The following MTO1 variants were observed in gnomAD, a reference collection of about 807,000 sequenced individuals.
MTO1 encodes the protein mitochondrial tRNA translation optimization 1.
MTO1 carries 46 observed loss-of-function variants against 71.6 expected under a neutral mutation model. That is an observed-to-expected ratio of 0.64 (90% confidence interval 0.51 to 0.82). The LOEUF is 0.82. Among genes scored for constraint, MTO1 ranks in the 40% least tolerant of loss-of-function variants. MTO1 has a pLI of 0.00. For missense variants in MTO1, 773 were observed against 867.5 expected (o/e 0.89, Z 1.37); for synonymous variants, 297 against 312.1 (o/e 0.95, Z 0.51).
Position 73,509,148 on chromosome 6 carries a change from G to GTAT in MTO1, c.*8416_*8418dup, listed in dbSNP as rs1772361149. ...AAGTTTTATTTATGTTTTTCATTTG[G>GTAT]TATTAGCCATCTGGTATTTAACCTC... On this transcript the variant is annotated 3_prime_UTR_variant, in exon 12 of 12. Coordinates refer to ENST00000498286, the MANE Select transcript of MTO1 (RefSeq NM_012123.4). 6.6e-6 allele frequency: 1 copy of GTAT among 152,106 alleles called. No individual in the cohort carries two copies. The highest frequency in any genetic ancestry group is 2.4e-5 in the African/African-American group (1 of 41,412). 9.4% of individuals were successfully genotyped at this position (152,106 alleles called of 1,614,324 possible). A position where few individuals can be genotyped will look rare whatever the true frequency, so the allele number is the denominator to read the frequency against.
chr6:73,482,386 T>G (rs1771528481), intron 8 of MTO1, 63 bp from the exon 9 acceptor site: 4 of 1,555,694 alleles, frequency 2.6e-6, no homozygotes, highest in Non-Finnish European at 3.5e-6. Flanking sequence ...AGACACTGTC[T>G]CTACAAAAAA....
At chr6:73,470,065 G>A (rs12529857) in intron 3 of MTO1, among the ~76,000 whole-genome samples, 29,164 of 152,050 alleles carry the variant, frequency 0.19, 2,881 homozygotes, top group Middle Eastern at 0.23. Flanking sequence ...ATCAATGTCT[G>A]TTAGTTCTCA....
rs149810018 is a variant in MTO1 at position 73,468,143 on chromosome 6, A to G, written c.535+1537A>G. The stretch of plus-strand genomic sequence containing the variant: ...CATCTATTAACATTTTTTGAGACAG[A>G]GTCTGGCTCTGTTGCCTAGGCTGGA... On this transcript the variant is annotated intron_variant, in intron 3 of 11. Coordinates refer to ENST00000498286, the MANE Select transcript of MTO1 (RefSeq NM_012123.4). 6.4e-3 allele frequency among the ~76,000 whole-genome samples: 973 copies of G among 151,314 alleles called. 7 individuals are homozygous for G. Among genetic ancestry groups the G allele is most frequent in the African/African-American group, 0.021 (880 of 41,178 alleles).
chr6:73,482,285 G>A, intron 8 of MTO1, 41 bp downstream of exon 8: 1 of 1,604,598 alleles, frequency 6.2e-7, no homozygotes, highest in Non-Finnish European at 8.5e-7. Context: ...CAGGCATGGT[G>A]GCTCACACCT....
In MTO1 at chr6:73,480,090, A is replaced by G. The variant is rs1276936053; in HGVS notation, c.1093A>G (p.Ile365Val). ...GTTACAAGAGAAAATGATCACATGC[A>G]TCAGAGGCTTGGAGAAAGCTAAAGT... ...AELQEKMITC[I>V]RGLEKAKVIQ... The change falls in exon 6 of 12, where the codon ATC becomes GTC. Residue 365 changes from isoleucine to valine, a missense_variant. Ile to Val is a conservative substitution (Grantham distance 29, BLOSUM62 3). Transcript: ENST00000498286. The G allele has an allele frequency of 5.6e-6, 9 of 1,614,156 alleles. No homozygotes were observed. Among genetic ancestry groups the G allele is most frequent in the Middle Eastern group, 1.6e-4 (1 of 6,062 alleles).
At chr6:73,464,724 A>C (rs538342945) in intron 1 of MTO1, among the ~76,000 whole-genome samples, 1 of 151,062 alleles carries the variant, frequency 6.6e-6, no homozygotes, top group East Asian at 2.0e-4. Flanking sequence ...AATCCCAGCT[A>C]CTTGGGAGGC....
Position 73,482,122 on chromosome 6 carries a change from G to A in MTO1, c.1343G>A (p.Gly448Glu). 6.2e-7 allele frequency: 1 copy of A among 1,614,144 alleles called. No homozygotes were observed. The highest frequency in any genetic ancestry group is 1.3e-5 in the African/African-American group (1 of 75,024). The stretch of plus-strand genomic sequence containing the variant: ...GTTAGCCGAACAGAAGGTTACATAG[G>A]AGTCTTGATTGATGACCTCACTACT... ...FVVSRTEGYI[G>E]VLIDDLTTLG... Residue 448 changes from glycine to glutamate, a missense_variant, in exon 8 of 12, where the codon GGA (glycine) becomes GAA (glutamate). Physicochemically the swap from Gly to Glu is moderately conservative, Grantham distance 98. Transcript: ENST00000498286.
intron 3 of MTO1, among the ~76,000 whole-genome samples, chr6:73,472,264 A>G (rs1482429812): frequency 1.3e-5 from 2 of 152,074 alleles, no homozygotes; most frequent in African/African-American, 4.8e-5. Context: ...GAAATTTCTC[A>G]TCTTCTGACT....
chr6:73,492,646 C>CAA, intron 10 of MTO1: 1 of 234,424 alleles, frequency 4.3e-6, no homozygotes, highest in Non-Finnish European at 8.6e-6. Context: ...CCTGTCTCTA[C>CAA]AAAAAAAATA....
chr6:73,487,031 G>A (rs1006323811), intron 9 of MTO1, among the ~76,000 whole-genome samples: 1 of 152,002 alleles, frequency 6.6e-6, no homozygotes, highest in African/African-American at 2.4e-5. Flanking sequence ...CCTTTTTAAG[G>A]TTGAATGATA....
chr6:73,472,806 ACAC>A (rs1771190126), intron 3 of MTO1, among the ~76,000 whole-genome samples: 1 of 152,186 alleles, frequency 6.6e-6, no homozygotes, highest in South Asian at 2.1e-4. Context: ...TTGTATCAAA[ACAC>A]CATGTTGCAT....
intron 9 of MTO1, among the ~76,000 whole-genome samples, chr6:73,483,980 T>C (rs1771586901): frequency 6.6e-6 from 1 of 151,982 alleles, no homozygotes; most frequent in African/African-American, 2.4e-5. Context: ...GGTTTCACCA[T>C]GTTGGCCAGG....
intron 11 of MTO1, among the ~76,000 whole-genome samples, chr6:73,500,307 T>C (rs368051475): frequency 1.3e-5 from 2 of 152,204 alleles, no homozygotes; most frequent in Admixed American, 1.3e-4. Flanking sequence ...GACAAAAAAG[T>C]AGATACTCTA....
rs142253409 is a variant in MTO1, at chr6:73,497,896, G to A, written c.1917G>A (p.Thr639=). Residue 639 remains threonine, a splice_region_variant and synonymous_variant, in exon 11 of 12, where the codon ACG becomes ACA. Transcript: ENST00000498286. The part of the protein sequence containing the change: ...REKLHFSRPQ[T]IGAASRIPGV... ...AACTACATTTTAGTCGTCCACAGAC[G>A]GTAAGAAAATAGGCAGGAGAATAGA... 3.0e-5 allele frequency: 48 copies of A among 1,603,302 alleles called. No homozygotes were observed. Among genetic ancestry groups the A allele is most frequent in the African/African-American group, 6.7e-5 (5 of 74,684 alleles).
intron 9 of MTO1, among the ~76,000 whole-genome samples, chr6:73,491,479 A>G (rs914484558): frequency 6.6e-6 from 1 of 152,132 alleles, no homozygotes; most frequent in Non-Finnish European, 1.5e-5. Flanking sequence ...CAGAGACTTA[A>G]AACATGCTCA....
intron 4 of MTO1, among the ~76,000 whole-genome samples, chr6:73,478,244 CAAAA>C (rs34143098): frequency 9.9e-6 from 1 of 100,908 alleles, no homozygotes. Context: ...GACTCTGTCT[CAAAA>C]AAAAAAAAAA....
chr6:73,482,341 G>T, intron 8 of MTO1, 97 bp downstream of exon 8: 1 of 1,555,116 alleles, frequency 6.4e-7, no homozygotes. Flanking sequence ...ATCACTTGAG[G>T]CCAGGAGTTT....
chr6:73,478,307 C>T (rs1771388454), intron 4 of MTO1, among the ~76,000 whole-genome samples: 1 of 148,270 alleles, frequency 6.7e-6, no homozygotes, highest in Admixed American at 6.7e-5. Context: ...TGGCCAGGCA[C>T]AGTGACTCTC....
At chr6:73,469,969 C>T (rs1033056312) in intron 3 of MTO1, among the ~76,000 whole-genome samples, 1 of 152,118 alleles carries the variant, frequency 6.6e-6, no homozygotes, top group African/African-American at 2.4e-5. Flanking sequence ...AGTGCCACTG[C>T]ACTCCAGCCT....
Sources: gnomAD v4.1 joint callset for allele counts (sites outside exome capture counted in the v4.1 genomes callset) on GRCh38, gnomAD v4.1.1 for gene constraint, MANE v1.5 for transcripts, NCBI Gene and HGNC (gene_info 2026-07-23, HGNC 2026-07-21) for gene names.